Variants in DYNLT2 observed in about 807,000 individuals in gnomAD.
DYNLT2 encodes the protein dynein light chain Tctex-type 2.
In DYNLT2, 24 loss-of-function variants were observed where a neutral mutation model predicts 24.3. The observed-to-expected ratio is 0.99, with a 90% CI of 0.71 to 1.39. The LOEUF is 1.39. Among genes scored for constraint, DYNLT2 ranks in the 40% most tolerant of loss-of-function variants. DYNLT2 has a pLI of 0.00. For synonymous variants in DYNLT2, 85 were observed against 85.4 expected (o/e 1.00, Z 0.03); for missense variants, 246 against 234.5 (o/e 1.05, Z -0.32).
downstream of DYNLT2, among the ~76,000 whole-genome samples, chr6:169,735,369 G>A (rs901534727): frequency 1.3e-5 from 2 of 152,044 alleles, no homozygotes; most frequent in Non-Finnish European, 1.5e-5. Context: ...TCTTTTAATT[G>A]TGATGTTAGG....
chr6:169,749,235 G>C (rs560411263), intron 1 of DYNLT2, among the ~76,000 whole-genome samples: 5 of 152,200 alleles, frequency 3.3e-5, no homozygotes, highest in African/African-American at 1.2e-4. Flanking sequence ...TGAGTAGCTG[G>C]GATTACAGGT....
chr6:169,744,224 C>G lies in DYNLT2; in HGVS notation c.171G>C (p.Gln57His), dbSNP rs1345912068. Residue 57 changes from glutamine (Q) to histidine (H), a missense_variant, in exon 2 of 4, where the codon CAG becomes CAC. Physicochemically the swap from Gln to His is conservative, Grantham distance 24 (BLOSUM62 0). Coordinates refer to ENST00000366774, the MANE Select transcript of DYNLT2 (RefSeq NM_174910.3). ...AGTCATCAAAAGGAGGCTCCACATA[C>G]TGAACATTGTGAATTGACTCTCTCA... ...ERLRESIHNVQYVEPPFDDSI... is the reference protein window; with the variant it reads ...ERLRESIHNVHYVEPPFDDSI... 2.5e-6 allele frequency: 4 copies of G among 1,613,770 alleles called. No individual in the cohort carries two copies. Among genetic ancestry groups the G allele is most frequent in the East Asian group, 2.2e-5 (1 of 44,848 alleles).
chr6:169,748,900 C>A (rs1380957979), intron 1 of DYNLT2, among the ~76,000 whole-genome samples: 1 of 152,144 alleles, frequency 6.6e-6, no homozygotes, highest in East Asian at 1.9e-4. Flanking sequence ...TATTTTATTC[C>A]TTTTATTAAG....
chr6:169,744,255 T>C lies in DYNLT2; in HGVS notation c.140A>G (p.Glu47Gly). Reference sequence around the variant, plus strand: ...ATTGTGAATTGACTCTCTCAGTCTTTCTCTTAAAATCTGTGTATACTGGAG... The same window carrying C: ...ATTGTGAATTGACTCTCTCAGTCTTCCTCTTAAAATCTGTGTATACTGGAG... ...EKEAYTQILR[E>G]RLRESIHNVQ... The change falls in exon 2 of 4, where the codon GAA (glutamate) becomes GGA (glycine). Residue 47 changes from glutamate to glycine, a missense_variant. Transcript: ENST00000366774. 6.2e-7 allele frequency: 1 copy of C among 1,613,450 alleles called. No homozygotes were observed. Among genetic ancestry groups the C allele is most frequent in the Non-Finnish European group, 8.5e-7 (1 of 1,179,834 alleles).
intron 1 of DYNLT2, chr6:169,749,451 A>G (rs760008605): frequency 2.6e-5 from 4 of 152,226 alleles, no homozygotes; most frequent in Non-Finnish European, 5.9e-5. Flanking sequence ...ACGTTTTCCA[A>G]TTTTAGTAAT....
chr6:169,730,451 T>C, the DYNLT2 span, among the ~76,000 whole-genome samples: 1 of 152,236 alleles, frequency 6.6e-6, no homozygotes, highest in East Asian at 1.9e-4. Context: ...CTGTAAGTCA[T>C]CAAAGATTGA....
chr6:169,737,199 T>G (rs59858268), downstream of DYNLT2, among the ~76,000 whole-genome samples: 1,181 of 152,338 alleles, frequency 7.8e-3, 19 homozygotes, highest in African/African-American at 0.027. Context: ...CTGGTTATTC[T>G]AGTTAGCAAT....
chr6:169,751,559 G>T lies in DYNLT2; in HGVS notation c.-101C>A, dbSNP rs966802273. Reference sequence around the variant, plus strand: ...GGCGGAAGTCTCCCACCTGCGCCTCGTACGGTAGGAAGTGCCCGCCAGGGC... The same window carrying T: ...GGCGGAAGTCTCCCACCTGCGCCTCTTACGGTAGGAAGTGCCCGCCAGGGC... On this transcript the variant is annotated 5_prime_UTR_variant, in exon 1 of 4. Transcript: ENST00000366774. The T allele has an allele frequency of 4.3e-6, 7 of 1,609,822 alleles. No homozygotes were observed. The highest frequency in any genetic ancestry group is 5.9e-6 in the Non-Finnish European group (7 of 1,178,514).
Position 169,751,263 on chromosome 6 carries a change from G to C in DYNLT2, c.120+76C>G, listed in dbSNP as rs190120697. 1,369 of 1,536,164 alleles carry C rather than the reference G, an allele frequency of 8.9e-4. 10 individuals are homozygous for C. The African/African-American group carries it at 0.016, about 18-fold the overall frequency. On this transcript the variant is annotated intron_variant, in intron 1 of 3. Coordinates refer to ENST00000366774, the MANE Select transcript of DYNLT2 (RefSeq NM_174910.3). Reference sequence around the variant, plus strand: ...TGGCTCTGGGGGTGGTGACGGGAGCGGGGCCCACTGGGGAGCGATTTCACT... The same window carrying C: ...TGGCTCTGGGGGTGGTGACGGGAGCCGGGCCCACTGGGGAGCGATTTCACT...
downstream of DYNLT2, among the ~76,000 whole-genome samples, chr6:169,739,731 C>T (rs900815156): frequency 6.6e-6 from 1 of 152,104 alleles, no homozygotes; most frequent in East Asian, 1.9e-4. Flanking sequence ...ATCTTTCTTT[C>T]AAACTTGGTA....
the DYNLT2 span, among the ~76,000 whole-genome samples, chr6:169,730,634 C>T: frequency 2.6e-5 from 4 of 152,152 alleles, no homozygotes; most frequent in African/African-American, 9.7e-5. Flanking sequence ...GTGGCTCACG[C>T]CTGTAATCCC....
At chr6:169,740,594 A>T (rs74961514) in intron 3 of DYNLT2, among the ~76,000 whole-genome samples, 8,351 of 152,186 alleles carry the variant, frequency 0.055, 332 homozygotes, top group East Asian at 0.12. Flanking sequence ...TGCATACAGT[A>T]TGACTCTGCC....
At chr6:169,727,017 A>G in the DYNLT2 span, among the ~76,000 whole-genome samples, 1 of 152,256 alleles carries the variant, frequency 6.6e-6, no homozygotes, top group African/African-American at 2.4e-5. Flanking sequence ...AACTAAGTGT[A>G]AAGTACTGTA....
Position 169,740,236 on chromosome 6 carries a change from T to G in DYNLT2, c.546A>C (p.Glu182Asp). The change falls in exon 4 of 4, where the codon GAA (glutamate) becomes GAC (aspartate). Residue 182 changes from glutamate (E) to aspartate (D), a missense_variant. By Grantham distance (45) the Glu-to-Asp change is conservative. Coordinates refer to ENST00000366774, the MANE Select transcript of DYNLT2 (RefSeq NM_174910.3). Reference protein sequence around the residue: ...AWDSWVAAKHEAESYVALVLV... With the variant: ...AWDSWVAAKHDAESYVALVLV... ...AGACCAGTGCCACGTAGGATTCTGC[T>G]TCGTGTTTAGCTGCGACCCAGCTGT... is the stretch of plus-strand genomic sequence containing the variant. 7 of 1,614,126 alleles carry G rather than the reference T, an allele frequency of 4.3e-6. No individual in the cohort carries two copies. Among genetic ancestry groups the G allele is most frequent in the Non-Finnish European group, 5.9e-6 (7 of 1,180,004 alleles).
chr6:169,750,483 CTCTTTT>C (rs1789962980), intron 1 of DYNLT2: 1 of 152,166 alleles, frequency 6.6e-6, no homozygotes, highest in African/African-American at 2.4e-5. Flanking sequence ...TTTGAGAATT[CTCTTTT>C]TAAGAGTAAT....
the DYNLT2 span, among the ~76,000 whole-genome samples, chr6:169,727,044 T>A: frequency 6.6e-6 from 1 of 151,278 alleles, no homozygotes; most frequent in Non-Finnish European, 1.5e-5. Flanking sequence ...AAGGAGAGAG[T>A]GTTTTAAAAG....
chr6:169,746,598 T>C (rs1209917374), intron 1 of DYNLT2, among the ~76,000 whole-genome samples: 1 of 152,316 alleles, frequency 6.6e-6, no homozygotes, highest in East Asian at 1.9e-4. Context: ...ATATTAATCA[T>C]AGTTACTTAA....
chr6:169,726,024 C>T, the DYNLT2 span, among the ~76,000 whole-genome samples: 1 of 152,226 alleles, frequency 6.6e-6, no homozygotes, highest in Non-Finnish European at 1.5e-5. Flanking sequence ...CTGAATACAC[C>T]TATAGTTTAC....
At chr6:169,749,713 G>T (rs1186908067) in intron 1 of DYNLT2, 1 of 152,128 alleles carries the variant, frequency 6.6e-6, no homozygotes, top group Non-Finnish European at 1.5e-5. Flanking sequence ...AAAGTTAAGG[G>T]AAGTAGCTGA....
Sources: gnomAD v4.1 joint callset for allele counts (sites outside exome capture counted in the v4.1 genomes callset) on GRCh38, gnomAD v4.1.1 for gene constraint, MANE v1.5 for transcripts, NCBI Gene and HGNC (gene_info 2026-07-23, HGNC 2026-07-21) for gene names.